Variants in PTPRM observed in about 807,000 individuals in gnomAD.
The protein encoded by PTPRM is protein tyrosine phosphatase receptor type M, also known as receptor-type tyrosine-protein phosphatase mu.
In PTPRM, 47 loss-of-function variants were observed where a neutral mutation model predicts 186.7. The ratio of observed to expected loss-of-function variants is 0.25; its 90% CI spans 0.20 to 0.32. The LOEUF (loss-of-function observed/expected upper bound fraction) is 0.32. PTPRM is among the 10% of genes least tolerant of loss of function. The probability of loss-of-function intolerance (pLI) is 1.00; values close to 1 mark genes in which losing one functional copy is unlikely to be tolerated. For synonymous variants in PTPRM, 668 were observed against 674.9 expected (o/e 0.99, Z 0.16); for missense variants, 1,494 against 1,865.0 (o/e 0.80, Z 3.66).
chr18:8,099,155 C>T (rs1455429315), intron 11 of PTPRM, among the ~76,000 whole-genome samples: 3 of 151,540 alleles, frequency 2.0e-5, no homozygotes, highest in Non-Finnish European at 4.4e-5. Flanking sequence ...CTCTCTCTCT[C>T]TCTTTCTCTC....
intron 7 of PTPRM, among the ~76,000 whole-genome samples, chr18:7,982,781 A>C (rs2082629416): frequency 6.6e-6 from 1 of 152,078 alleles, no homozygotes; most frequent in Non-Finnish European, 1.5e-5. Flanking sequence ...GGAAGTTTTC[A>C]GCTCCAGCAT....
intron 1 of PTPRM, among the ~76,000 whole-genome samples, chr18:7,610,675 A>G (rs956464471): frequency 6.6e-6 from 1 of 152,150 alleles, no homozygotes; most frequent in Non-Finnish European, 1.5e-5. Context: ...AGCACAACGC[A>G]TTATTTGTGT....
At chr18:7,795,791 AT>A in intron 2 of PTPRM, among the ~76,000 whole-genome samples, 1 of 135,830 alleles carries the variant, frequency 7.4e-6, no homozygotes, top group Non-Finnish European at 1.6e-5. Flanking sequence ...TTTTTATCGC[AT>A]TTTTTCTTTC....
chr18:8,071,470 C>A (rs631838), intron 8 of PTPRM, among the ~76,000 whole-genome samples: 98,548 of 152,054 alleles, frequency 0.65, 32,208 homozygotes, highest in African/African-American at 0.72. Context: ...CTCACTCACT[C>A]ACTAATCTTA....
chr18:7,573,223 C>T (rs1323036497), intron 1 of PTPRM, among the ~76,000 whole-genome samples: 1 of 152,130 alleles, frequency 6.6e-6, no homozygotes, highest in Non-Finnish European at 1.5e-5. Context: ...GGGTCACTCC[C>T]CTTGTGCCCT....
intron 13 of PTPRM, among the ~76,000 whole-genome samples, chr18:8,127,242 A>T (rs537230301): frequency 6.6e-6 from 1 of 152,246 alleles, no homozygotes; most frequent in Admixed American, 6.5e-5. Context: ...TGGGGAATGG[A>T]TCAGCTGCAG....
Position 8,378,207 on chromosome 18 carries a change from G to A in PTPRM, c.3463-58G>A, listed in dbSNP as rs555429028. The A allele has an allele frequency of 2.3e-5, 35 of 1,508,270 alleles. No homozygotes were observed. The East Asian group carries it at 3.4e-4, about 15-fold the overall frequency. The allele number at this position is 1,508,270 out of a possible 1,614,324, so 93.4% of individuals were successfully genotyped here. ...ATGATGTGGGGCTAAAATTGATACC[G>A]TCTTTCCTCCTTCTCTGGTTCTCTA... On this transcript the variant is annotated intron_variant, in intron 26 of 32. Coordinates refer to ENST00000580170, the MANE Select transcript of PTPRM (RefSeq NM_001105244.2).
At chr18:7,972,683 A>G (rs2054639821) in intron 7 of PTPRM, among the ~76,000 whole-genome samples, 1 of 151,960 alleles carries the variant, frequency 6.6e-6, no homozygotes, top group African/African-American at 2.4e-5. Flanking sequence ...GATAAATAAC[A>G]TTTTACTTGT....
intron 2 of PTPRM, among the ~76,000 whole-genome samples, chr18:7,825,893 G>A (rs906612221): frequency 6.6e-6 from 1 of 152,194 alleles, no homozygotes; most frequent in Non-Finnish European, 1.5e-5. Flanking sequence ...CATAGTTGGT[G>A]TTTCCTGTGT....
At chr18:8,127,716 G>C (rs1209406611) in intron 13 of PTPRM, among the ~76,000 whole-genome samples, 1 of 152,084 alleles carries the variant, frequency 6.6e-6, no homozygotes, top group Non-Finnish European at 1.5e-5. Context: ...TGTCCTGTGA[G>C]CACTATCCTC....
chr18:8,372,753 A>G (rs903175719), intron 24 of PTPRM, among the ~76,000 whole-genome samples: 2 of 151,148 alleles, frequency 1.3e-5, no homozygotes, highest in African/African-American at 4.9e-5. Flanking sequence ...GGATTTTTGT[A>G]TGGCTGTTGG....
At chr18:7,644,458 T>C (rs2038514863) in intron 1 of PTPRM, among the ~76,000 whole-genome samples, 3 of 152,170 alleles carry the variant, frequency 2.0e-5, no homozygotes, top group Admixed American at 1.3e-4. Context: ...GAGTCAGCTT[T>C]ATGTCAATTC....
intron 2 of PTPRM, among the ~76,000 whole-genome samples, chr18:7,826,949 T>A (rs1479197418): frequency 4.6e-5 from 7 of 151,530 alleles, no homozygotes; most frequent in East Asian, 3.9e-4. Flanking sequence ...AAAAAATAAA[T>A]AAATAAGCCA....
chr18:8,238,305 T>C (rs953001895), intron 14 of PTPRM, among the ~76,000 whole-genome samples: 1 of 152,174 alleles, frequency 6.6e-6, no homozygotes, highest in African/African-American at 2.4e-5. Flanking sequence ...TTTGTTTTTG[T>C]CTTTTTTCTC....
intron 14 of PTPRM, among the ~76,000 whole-genome samples, chr18:8,223,358 A>G (rs8092312): frequency 0.8 from 122,001 of 152,194 alleles, 49,271 homozygotes; most frequent in East Asian, 0.87. Context: ...TGTTAAGGAA[A>G]CATCAAGTCA....
At chr18:8,335,470 T>A (rs980955204) in intron 22 of PTPRM, among the ~76,000 whole-genome samples, 4 of 152,202 alleles carry the variant, frequency 2.6e-5, no homozygotes, top group Admixed American at 6.5e-5. Flanking sequence ...GCTCTAAACA[T>A]TTGAGTTTGA....
At chr18:8,094,309 G>A (rs1248624826) in intron 11 of PTPRM, among the ~76,000 whole-genome samples, 8 of 151,424 alleles carry the variant, frequency 5.3e-5, no homozygotes. Context: ...GGAAGTCAAG[G>A]CAGCAGTGAG....
chr18:8,115,403 C>T lies in PTPRM; in HGVS notation c.2167+576C>T, dbSNP rs962687975. ...GGATGAGCTGCAAAAGTGGGTAGGG[C>T]GAGTTACCCTGAGCTCCCCCAGCAT... On this transcript the variant is annotated intron_variant, in intron 13 of 32. Transcript: ENST00000580170. 1.1e-4 allele frequency among the ~76,000 whole-genome samples: 16 copies of T among 152,178 alleles called. No homozygotes were observed. In the South Asian group the frequency reaches 1.5e-3, roughly 14 times the overall value.
chr18:7,839,131 C>G (rs2046202533), intron 2 of PTPRM, among the ~76,000 whole-genome samples: 1 of 152,166 alleles, frequency 6.6e-6, no homozygotes, highest in Non-Finnish European at 1.5e-5. Flanking sequence ...ATCCAAGAGT[C>G]AAGTCCTGGA....
Sources: allele counts gnomAD v4.1 joint callset (sites outside exome capture counted in the v4.1 genomes callset), GRCh38; gene constraint gnomAD v4.1.1; transcripts MANE v1.5; gene names NCBI Gene and HGNC (gene_info 2026-07-23, HGNC 2026-07-21).